The following FUCA1 variants were observed in gnomAD, a reference collection of about 807,000 sequenced individuals.
FUCA1 encodes the protein tissue alpha-L-fucosidase.
Under a neutral mutation model 56.8 loss-of-function variants are expected in FUCA1, and 52 were observed. That is an observed-to-expected ratio of 0.92 (90% CI 0.73 to 1.15). The LOEUF is 1.15. Among genes scored for constraint, FUCA1 ranks in the 50% most tolerant of loss-of-function variants. The pLI, the probability that FUCA1 is intolerant of heterozygous loss-of-function variation, is 0.00. For missense variants in FUCA1, 568 were observed against 592.6 expected (o/e 0.96, Z 0.43); for synonymous variants, 230 against 226.6 (o/e 1.02, Z -0.14).
intron 5 of FUCA1, among the ~76,000 whole-genome samples, chr1:23,853,491 C>T (rs1421368693): frequency 2.6e-5 from 4 of 151,648 alleles, no homozygotes; most frequent in African/African-American, 4.8e-5. Flanking sequence ...AGGTGAGGGG[C>T]GCCTCTGCCC....
intron 2 of FUCA1, among the ~76,000 whole-genome samples, chr1:23,864,334 C>T (rs1008588482): frequency 6.6e-6 from 1 of 152,044 alleles, no homozygotes; most frequent in South Asian, 2.1e-4. Context: ...ATGATCCACC[C>T]GCCTCGGCCT....
chr1:23,845,961 C>T (rs1226449283), intron 7 of FUCA1, 106 bp from the exon 8 acceptor site: 5 of 1,540,114 alleles, frequency 3.2e-6, no homozygotes, highest in Non-Finnish European at 4.5e-6. Flanking sequence ...GGCAGGAAAG[C>T]CAGTCTAAAA....
chr1:23,858,980 C>G (rs572291262), intron 4 of FUCA1, among the ~76,000 whole-genome samples: 3 of 152,176 alleles, frequency 2.0e-5, no homozygotes, highest in Non-Finnish European at 2.9e-5. Context: ...TGAGGTCTCA[C>G]TACGTTGCCC....
chr1:23,857,870 G>A (rs751544919), intron 4 of FUCA1, among the ~76,000 whole-genome samples: 9 of 151,478 alleles, frequency 5.9e-5, no homozygotes, highest in Admixed American at 2.6e-4. Flanking sequence ...GGGTTTCACC[G>A]TGTTAGCCAG....
rs961628832 is a variant in FUCA1 at position 23,845,525 on chromosome 1, C to T, written c.*190G>A. The T allele has an allele frequency of 1.5e-6, 1 of 659,590 alleles. No homozygotes were observed. Among genetic ancestry groups the T allele is most frequent in the Non-Finnish European group, 2.7e-6 (1 of 375,262 alleles). The allele number at this position is 659,590 out of a possible 1,614,324, so 40.9% of individuals were successfully genotyped here. A position where few individuals can be genotyped will look rare whatever the true frequency, so the allele number is the denominator to read the frequency against. On this transcript the variant is annotated 3_prime_UTR_variant, in exon 8 of 8. Coordinates refer to ENST00000374479, the MANE Select transcript of FUCA1 (RefSeq NM_000147.5). ...TGCTGACCTGATACAGATATAATCACAATGGATCTCAGATCTTTGGTCCAT... is the reference window on the plus strand; with the variant it reads ...TGCTGACCTGATACAGATATAATCATAATGGATCTCAGATCTTTGGTCCAT...
chr1:23,864,706 CTTTT>C (rs563678936), intron 2 of FUCA1, among the ~76,000 whole-genome samples: 3 of 138,508 alleles, frequency 2.2e-5, no homozygotes, highest in Non-Finnish European at 3.2e-5. Flanking sequence ...TGTCTTTTTT[CTTTT>C]TTTTTTTTTT....
intron 4 of FUCA1, among the ~76,000 whole-genome samples, chr1:23,858,461 C>G (rs1397740680): frequency 6.6e-6 from 1 of 152,184 alleles, no homozygotes; most frequent in Non-Finnish European, 1.5e-5. Flanking sequence ...AAATCTAGAA[C>G]ATGTACAATC....
chr1:23,850,194 T>G (rs1639226717), intron 5 of FUCA1, among the ~76,000 whole-genome samples: 1 of 151,170 alleles, frequency 6.6e-6, no homozygotes, highest in African/African-American at 2.4e-5. Context: ...TAGGCACCTG[T>G]AGTCCCAGCT....
chr1:23,849,771 TG>T (rs1639219901), intron 5 of FUCA1, among the ~76,000 whole-genome samples: 1 of 151,164 alleles, frequency 6.6e-6, no homozygotes. Context: ...TTAGTAGAGA[TG>T]GGGTTTCACT....
chr1:23,856,318 C>T (rs907734702), intron 4 of FUCA1, among the ~76,000 whole-genome samples: 1 of 152,124 alleles, frequency 6.6e-6, no homozygotes, highest in African/African-American at 2.4e-5. Flanking sequence ...GCTCCCTGTA[C>T]ACTCAGCCTG....
chr1:23,864,087 C>CTT lies in FUCA1; in HGVS notation c.525-818_525-817dup, dbSNP rs765991884. 8.0e-4 allele frequency among the ~76,000 whole-genome samples: 105 copies of CTT among 131,026 alleles called. 2 individuals carry two copies. The highest frequency in any genetic ancestry group is 1.4e-3 in the African/African-American group (48 of 35,004). The allele number at this position is 131,026 out of a possible 152,430, so 86.0% of individuals were successfully genotyped here. A position where few individuals can be genotyped will look rare whatever the true frequency, so the allele number is the denominator to read the frequency against. On this transcript the variant is annotated intron_variant, in intron 2 of 7. Transcript: ENST00000374479. ...ACTAATAGTTCTTTCTCTTTTTTTC[C>CTT]TTTTTTTTTTTTTTTTTGAGATGGA... is the stretch of plus-strand genomic sequence containing the variant.
rs1639194544 is a variant in FUCA1 at position 23,848,716 on chromosome 1, T to C, written c.1093A>G (p.Asn365Asp). The change falls in exon 6 of 8, where the codon AAT (asparagine) becomes GAT (aspartate). Residue 365 changes from asparagine to aspartate, a missense_variant. Transcript: ENST00000374479. ...LLAVGKWLSI[N>D]GEAIYASKPW... Reference sequence around the variant, plus strand: ...TTGGAGGCATAGATAGCCTCCCCATTGATGCTCAGCCATTTCCCAACAGCA... The same window carrying C: ...TTGGAGGCATAGATAGCCTCCCCATCGATGCTCAGCCATTTCCCAACAGCA... 2.5e-6 allele frequency: 4 copies of C among 1,614,176 alleles called. No homozygotes were observed. The highest frequency in any genetic ancestry group is 3.4e-6 in the Non-Finnish European group (4 of 1,180,020).
chr1:23,863,702 A>G (rs550638466), intron 2 of FUCA1, among the ~76,000 whole-genome samples: 1 of 152,150 alleles, frequency 6.6e-6, no homozygotes, highest in Admixed American at 6.5e-5. Context: ...AACTGTAAAA[A>G]TTAGCTGAGT....
rs756742678 is a variant in FUCA1 at position 23,868,227 on chromosome 1, G to GAGC, written c.57_59dup (p.Leu20dup). The GAGC allele has an allele frequency of 2.7e-5, 42 of 1,582,442 alleles. No homozygotes were observed. In the East Asian group the frequency reaches 8.8e-4, roughly 33 times the overall value. Reference sequence around the variant, plus strand: ...GCACCGACTCGGCCGCTCCGAGGAAGAGCAGCAGCAGCAACAGCGCGGGAC... The same window carrying GAGC: ...GCACCGACTCGGCCGCTCCGAGGAAGAGCAGCAGCAGCAGCAACAGCGCGGGAC... On this transcript the variant is annotated inframe_insertion, in exon 1 of 8. Coordinates refer to ENST00000374479, the MANE Select transcript of FUCA1 (RefSeq NM_000147.5).
chr1:23,847,893 G>A (rs1639174947), intron 6 of FUCA1, among the ~76,000 whole-genome samples: 1 of 152,228 alleles, frequency 6.6e-6, no homozygotes, highest in Non-Finnish European at 1.5e-5. Context: ...GTGGTGGCGG[G>A]TGCCTATAAT....
intron 5 of FUCA1, among the ~76,000 whole-genome samples, chr1:23,851,677 A>G (rs751394650): frequency 1.3e-5 from 2 of 152,234 alleles, no homozygotes; most frequent in Non-Finnish European, 2.9e-5. Context: ...TTTTGCAGCC[A>G]TAAAAAAGAA....
At position 23,845,939 on chromosome 1, in the gene FUCA1, A is replaced by T. The variant is rs1037189625; in HGVS notation, c.1261-84T>A. 6 of 1,568,498 alleles carry T rather than the reference A, an allele frequency of 3.8e-6. No homozygotes were observed. The African/African-American group carries it at 8.1e-5, about 21-fold the overall frequency. ...AGGCTGACTATGGTAGGAAACAGCC[A>T]CGCTGGGCCAGGGCAGGAAAGCCAG... On this transcript the variant is annotated intron_variant, in intron 7 of 7. Coordinates refer to ENST00000374479, the MANE Select transcript of FUCA1 (RefSeq NM_000147.5).
chr1:23,866,261 G>A (rs1475345994), intron 1 of FUCA1, among the ~76,000 whole-genome samples: 3 of 152,192 alleles, frequency 2.0e-5, no homozygotes, highest in Non-Finnish European at 4.4e-5. Context: ...GCAGTGAGCC[G>A]AGATCATGCA....
rs772713418 is a variant in FUCA1, at chr1:23,845,689, G to T, written c.*26C>A. On this transcript the variant is annotated 3_prime_UTR_variant, in exon 8 of 8. Transcript: ENST00000374479. ...CTGAAGCAGGAAAACAGTGAGCAGC[G>T]CCTCTTTCTTCTTGCACTCAAATGA... is the stretch of plus-strand genomic sequence containing the variant. 6.2e-7 allele frequency: 1 copy of T among 1,613,892 alleles called. No individual in the cohort carries two copies. Among genetic ancestry groups the T allele is most frequent in the East Asian group, 2.2e-5 (1 of 44,882 alleles).
Sources: gnomAD v4.1 joint callset for allele counts (sites outside exome capture counted in the v4.1 genomes callset) on GRCh38, gnomAD v4.1.1 for gene constraint, MANE v1.5 for transcripts, NCBI Gene and HGNC (gene_info 2026-07-23, HGNC 2026-07-21) for gene names.